The following CNTNAP5 variants were observed in gnomAD, a reference collection of about 807,000 sequenced individuals.
The protein encoded by CNTNAP5 is contactin-associated protein-like 5.
In CNTNAP5, 72 loss-of-function variants were observed where a neutral mutation model predicts 150.2. That is an observed-to-expected ratio of 0.48 (90% CI 0.40 to 0.58). The LOEUF (loss-of-function observed/expected upper bound fraction) is 0.58, where lower values mean the gene tolerates loss of function less well. CNTNAP5 is among the 20% of genes least tolerant of loss of function. The pLI is 0.00. For synonymous variants in CNTNAP5, 672 were observed against 619.8 expected, an observed-to-expected ratio of 1.08 and a Z score of -1.25; for missense variants, 1,636 against 1,626.2, an observed-to-expected ratio of 1.01 and a Z score of -0.10.
At chr2:124,810,382 G>GT (rs1228679317) in intron 19 of CNTNAP5, among the ~76,000 whole-genome samples, 2 of 152,118 alleles carry the variant, frequency 1.3e-5, no homozygotes, top group Non-Finnish European at 2.9e-5. Flanking sequence ...TGACAGGCTG[G>GT]TTTTTTAATA....
intron 2 of CNTNAP5, among the ~76,000 whole-genome samples, chr2:124,229,262 A>G (rs968131474): frequency 3.3e-5 from 5 of 152,156 alleles, no homozygotes; most frequent in African/African-American, 1.2e-4. Context: ...CATCAATAAC[A>G]AACTAATTTT....
At chr2:124,270,051 C>T (rs1368685827) in intron 3 of CNTNAP5, among the ~76,000 whole-genome samples, 2 of 152,156 alleles carry the variant, frequency 1.3e-5, no homozygotes, top group Non-Finnish European at 2.9e-5. Context: ...TGTGGTGGCT[C>T]ATGCCTGTAA....
intron 3 of CNTNAP5, among the ~76,000 whole-genome samples, chr2:124,339,959 T>C (rs994241684): frequency 1.3e-5 from 2 of 152,004 alleles, no homozygotes; most frequent in African/African-American, 4.8e-5. Flanking sequence ...AAAAAAAAAC[T>C]TAGAATTTGC....
intron 23 of CNTNAP5, among the ~76,000 whole-genome samples, chr2:124,912,710 G>T (rs1162626478): frequency 6.6e-6 from 1 of 152,000 alleles, no homozygotes; most frequent in African/African-American, 2.4e-5. Context: ...AAAGACTTTT[G>T]TGACTGCTGA....
At chr2:124,279,056 C>T (rs1344597618) in intron 3 of CNTNAP5, among the ~76,000 whole-genome samples, 1 of 151,932 alleles carries the variant, frequency 6.6e-6, no homozygotes, top group African/African-American at 2.4e-5. Context: ...TGCCACATAT[C>T]CTAGACAGAG....
chr2:124,561,364 C>T (rs75157519), intron 10 of CNTNAP5, among the ~76,000 whole-genome samples: 2,476 of 152,190 alleles, frequency 0.016, 67 homozygotes, highest in African/African-American at 0.056. Context: ...ATGAGGACAT[C>T]AAGGCTCTAA....
At chr2:124,778,232 G>A (rs1054333211) in intron 17 of CNTNAP5, among the ~76,000 whole-genome samples, 4 of 152,150 alleles carry the variant, frequency 2.6e-5, no homozygotes, top group Non-Finnish European at 5.9e-5. Flanking sequence ...GGCTGAGGCT[G>A]TAACACTGCC....
intron 19 of CNTNAP5, among the ~76,000 whole-genome samples, chr2:124,824,232 G>A (rs564305064): frequency 1.3e-5 from 2 of 152,038 alleles, no homozygotes; most frequent in South Asian, 2.1e-4. Context: ...TGTTCTTTTA[G>A]ATGAGTGACC....
At chr2:124,367,040 A>G (rs75666233) in intron 3 of CNTNAP5, among the ~76,000 whole-genome samples, 1 of 152,202 alleles carries the variant, frequency 6.6e-6, no homozygotes, top group African/African-American at 2.4e-5. Flanking sequence ...TGTCATGTCT[A>G]TGTACATGTT....
chr2:124,152,265 AT>A (rs1425352232), intron 1 of CNTNAP5, among the ~76,000 whole-genome samples: 2 of 152,182 alleles, frequency 1.3e-5, no homozygotes, highest in Non-Finnish European at 2.9e-5. Flanking sequence ...AACTGATATG[AT>A]TTAACTATTA....
chr2:124,900,686 C>A (rs1678398593), intron 21 of CNTNAP5, among the ~76,000 whole-genome samples: 1 of 151,560 alleles, frequency 6.6e-6, no homozygotes, highest in Non-Finnish European at 1.5e-5. Context: ...GGCTTCTTTC[C>A]CACTGAGTCC....
In CNTNAP5 at chr2:124,716,185, A is replaced by G. The variant is rs527346628; in HGVS notation, c.2078-31044A>G. Among the ~76,000 whole-genome samples the G allele has an allele frequency of 2.0e-5, 3 of 152,300 alleles. No homozygotes were observed. The East Asian group carries it at 5.8e-4, about 29-fold the overall frequency. On this transcript the variant is annotated intron_variant, in intron 13 of 23. Transcript: ENST00000682447. ...ACAAGGCCACTATCAATATGAAAAAATGATTCGTGCAAAGTAAAACAAAAA... is the reference window on the plus strand; with the variant it reads ...ACAAGGCCACTATCAATATGAAAAAGTGATTCGTGCAAAGTAAAACAAAAA...
chr2:124,214,097 A>C (rs79752987), intron 1 of CNTNAP5, among the ~76,000 whole-genome samples: 81 of 152,314 alleles, frequency 5.3e-4, no homozygotes, highest in Middle Eastern at 6.8e-3. Context: ...GTCCTCATCC[A>C]TGGAATAAGG....
At chr2:124,913,817 T>TA (rs1678705341) in intron 23 of CNTNAP5, among the ~76,000 whole-genome samples, 1 of 152,060 alleles carries the variant, frequency 6.6e-6, no homozygotes. Context: ...ATTCCATATG[T>TA]ATAAGATGGT....
At chr2:124,833,583 A>G (rs1293977800) in intron 19 of CNTNAP5, among the ~76,000 whole-genome samples, 1 of 152,188 alleles carries the variant, frequency 6.6e-6, no homozygotes, top group Middle Eastern at 3.2e-3. Context: ...CCTAGGAGCA[A>G]TCCTTCAGAG....
chr2:124,230,969 C>T (rs1017979945), intron 2 of CNTNAP5, among the ~76,000 whole-genome samples: 1 of 152,152 alleles, frequency 6.6e-6, no homozygotes, highest in African/African-American at 2.4e-5. Context: ...GCATGGTAAG[C>T]ATCCAAATCT....
intron 3 of CNTNAP5, among the ~76,000 whole-genome samples, chr2:124,269,251 C>T (rs1273521472): frequency 6.6e-6 from 1 of 152,062 alleles, no homozygotes; most frequent in Non-Finnish European, 1.5e-5. Flanking sequence ...TTCAGGAATC[C>T]TTTTCATAGT....
chr2:124,250,574 G>C (rs1174925928), intron 3 of CNTNAP5, among the ~76,000 whole-genome samples: 1 of 151,962 alleles, frequency 6.6e-6, no homozygotes, highest in African/African-American at 2.4e-5. Context: ...AAGATCTTGT[G>C]GTTGCAGATG....
intron 13 of CNTNAP5, among the ~76,000 whole-genome samples, chr2:124,716,271 A>G (rs1248420283): frequency 6.6e-6 from 1 of 152,188 alleles, no homozygotes; most frequent in Non-Finnish European, 1.5e-5. Flanking sequence ...TCATGGTAAT[A>G]ACCCTAAATG....
Sources: gnomAD v4.1 joint callset for allele counts (sites outside exome capture counted in the v4.1 genomes callset) on GRCh38, gnomAD v4.1.1 for gene constraint, MANE v1.5 for transcripts, NCBI Gene and HGNC (gene_info 2026-07-23, HGNC 2026-07-21) for gene names.